Variants in TJP2 observed in about 807,000 individuals in gnomAD.
TJP2 encodes the protein tight junction protein 2.
A neutral mutation model predicts 133.1 loss-of-function variants in TJP2; 91 were observed. That is an observed-to-expected ratio of 0.68 (90% confidence interval 0.58 to 0.81). The LOEUF is 0.81. Ranked by LOEUF, TJP2 falls within the 40% of genes least tolerant of loss-of-function variation. The probability of loss-of-function intolerance (pLI) is 0.00; values close to 1 mark genes in which losing one functional copy is unlikely to be tolerated. For missense variants in TJP2, 1,541 were observed against 1,565.6 expected (o/e 0.98, Z 0.26); for synonymous variants, 592 against 583.4 (o/e 1.01, Z -0.21).
intron 1 of TJP2, among the ~76,000 whole-genome samples, chr9:69,199,267 G>A (rs1826818022): frequency 6.6e-6 from 1 of 152,134 alleles, no homozygotes; most frequent in Non-Finnish European, 1.5e-5. Flanking sequence ...TGAACGTGGT[G>A]GCTCACATCT....
rs542978298 is a variant in TJP2, at chr9:69,236,557, T to C, written c.1991+319T>C. 5.3e-5 allele frequency among the ~76,000 whole-genome samples: 8 copies of C among 152,228 alleles called. No individual in the cohort carries two copies. The South Asian group carries it at 1.7e-3, about 32-fold the overall frequency. ...ACCAGCACACCTCTTAGAGACAAGG[T>C]ACCCTTGTCCGGTGCCCAGTCTCCA... is the stretch of plus-strand genomic sequence containing the variant. On this transcript the variant is annotated intron_variant, in intron 13 of 22. Coordinates refer to ENST00000377245, the MANE Select transcript of TJP2 (RefSeq NM_004817.4).
In TJP2 at chr9:69,127,230, C is replaced by T. The variant is rs1360560715; in HGVS notation, c.-131+5505C>T. ...GACTACAGGTGCCCGCCACCACGCCCGGCTAATTTTTTGTATTTTTAGTAG... is the reference window on the plus strand; with the variant it reads ...GACTACAGGTGCCCGCCACCACGCCTGGCTAATTTTTTGTATTTTTAGTAG... On this transcript the variant is annotated intron_variant, in intron 1 of 5. Transcript: ENST00000423935. Among the ~76,000 whole-genome samples, 6 of 71,192 alleles carry T rather than the reference C, an allele frequency of 8.4e-5. 1 individual carries two copies. The highest frequency in any genetic ancestry group is 1.5e-4 in the Non-Finnish European group (5 of 32,686). 46.7% of individuals were successfully genotyped at this position (71,192 alleles called of 152,430 possible).
At position 69,221,223 on chromosome 9, in the gene TJP2, C is replaced by G; in HGVS notation, c.679C>G (p.His227Asp). Reference sequence around the variant, plus strand: ...CCGGAGCCTGGAGCGGGGCCTGGACCACGACTTTGGGCCATCCCGGGACCG... The same window carrying G: ...CCGGAGCCTGGAGCGGGGCCTGGACGACGACTTTGGGCCATCCCGGGACCG... ...RGRSLERGLD[H>D]DFGPSRDRDR... is the part of the protein sequence containing the mutation. The change falls in exon 5 of 23, where the codon CAC becomes GAC. Residue 227 changes from histidine to aspartate, a missense_variant. By Grantham distance (81) the His-to-Asp change is moderately conservative. Transcript: ENST00000377245. 1 of 1,605,890 alleles carries G rather than the reference C, an allele frequency of 6.2e-7. No individual in the cohort carries two copies. The highest frequency in any genetic ancestry group is 8.5e-7 in the Non-Finnish European group (1 of 1,176,552).
In TJP2 at chr9:69,230,131, C is replaced by T. The variant is rs889305469; in HGVS notation, c.1570C>T (p.Arg524Trp). ...CAAGAAGGGAGACAGCGTGGGCCTC[C>T]GGTTGGCTGGTGGCAATGATGTCGG... The part of the protein sequence containing the change: ...RFKKGDSVGL[R>W]LAGGNDVGIF... Residue 524 changes from arginine to tryptophan, a missense_variant, in exon 11 of 23, where the codon CGG becomes TGG. By Grantham distance (101) the Arg-to-Trp change is moderately radical. Transcript: ENST00000377245. 5.6e-6 allele frequency: 9 copies of T among 1,614,062 alleles called. No homozygotes were observed. The highest frequency in any genetic ancestry group is 2.2e-5 in the South Asian group (2 of 91,084).
At position 69,249,378 on chromosome 9, in the gene TJP2, A is replaced by G. The variant is rs199704587; in HGVS notation, c.2884A>G (p.Ile962Val). 2.1e-5 allele frequency: 34 copies of G among 1,608,470 alleles called. No individual in the cohort carries two copies. Among genetic ancestry groups the G allele is most frequent in the African/African-American group, 1.9e-4 (14 of 74,818 alleles). Residue 962 changes from isoleucine (I) to valine (V), a missense_variant, in exon 20 of 23, where the codon ATA becomes GTA. Coordinates refer to ENST00000377245, the MANE Select transcript of TJP2 (RefSeq NM_004817.4). Reference protein sequence around the residue: ...SSEPVQHEESIRKPSPEPRAQ... With the variant: ...SSEPVQHEESVRKPSPEPRAQ... ...AATGAACCTTTATGTCTTGTAGAGC[A>G]TAAGGAAACCCAGCCCAGAGCCACG...
chr9:69,178,635 C>T (rs987349521), intron 1 of TJP2, among the ~76,000 whole-genome samples: 15 of 152,308 alleles, frequency 9.8e-5, no homozygotes, highest in African/African-American at 3.1e-4. Flanking sequence ...GCGTGTGCAT[C>T]CTGCTCTTAT....
chr9:69,210,310 AAAGT>A (rs1405526445), intron 1 of TJP2, among the ~76,000 whole-genome samples: 21 of 134,454 alleles, frequency 1.6e-4, no homozygotes, highest in Admixed American at 8.2e-4. Flanking sequence ...AAAAAAAAAA[AAAGT>A]AGCAGCAGTC....
At chr9:69,212,506 G>T (rs370064894) in intron 1 of TJP2, 42 bp from the exon 2 acceptor site, 7 of 1,451,714 alleles carry the variant, frequency 4.8e-6, no homozygotes, top group Non-Finnish European at 5.8e-6. Context: ...GCATTGAAAA[G>T]GTTGTGGTTT....
chr9:69,233,571 G>A (rs551337962), intron 11 of TJP2, among the ~76,000 whole-genome samples: 31 of 152,288 alleles, frequency 2.0e-4, no homozygotes, highest in Non-Finnish European at 3.4e-4. Flanking sequence ...TCAAGAGTTC[G>A]AGACCAGCCT....
At chr9:69,152,662 GT>G (rs1823531586) in intron 2 of TJP2, among the ~76,000 whole-genome samples, 1 of 151,950 alleles carries the variant, frequency 6.6e-6, no homozygotes, top group Admixed American at 6.6e-5. Context: ...AACTAAATGA[GT>G]TAATGGGCCC....
chr9:69,247,809 A>G (rs997882542), intron 18 of TJP2, among the ~76,000 whole-genome samples: 7 of 152,164 alleles, frequency 4.6e-5, no homozygotes, highest in Non-Finnish European at 1.5e-5. Flanking sequence ...CAGGGCCCCT[A>G]ATTTGAGTTC....
At chr9:69,241,692 G>C (rs1830584799) in intron 17 of TJP2, among the ~76,000 whole-genome samples, 1 of 152,046 alleles carries the variant, frequency 6.6e-6, no homozygotes, top group Non-Finnish European at 1.5e-5. Context: ...TAATTATTAT[G>C]ATTATTACTA....
intron 1 of TJP2, among the ~76,000 whole-genome samples, chr9:69,148,538 T>G (rs947205168): frequency 6.6e-6 from 1 of 151,920 alleles, no homozygotes; most frequent in African/African-American, 2.4e-5. Flanking sequence ...GCCTAGCTAT[T>G]TTTGTATTCT....
intron 2 of TJP2, among the ~76,000 whole-genome samples, chr9:69,162,406 T>TA (rs1213763853): frequency 6.6e-6 from 1 of 152,116 alleles, no homozygotes; most frequent in African/African-American, 2.4e-5. Flanking sequence ...TCTTACAACT[T>TA]ACTGTTTACA....
At chr9:69,126,024 C>T (rs1587864912) in intron 1 of TJP2, among the ~76,000 whole-genome samples, 1 of 76,178 alleles carries the variant, frequency 1.3e-5, no homozygotes, top group Non-Finnish European at 3.0e-5. Flanking sequence ...TCTCATTTTA[C>T]GGAAGAGAAA....
intron 1 of TJP2, chr9:69,121,730 G>A (rs1359557366): frequency 5.9e-5 from 9 of 152,200 alleles, no homozygotes; most frequent in Admixed American, 1.3e-4. Flanking sequence ...CTCTAGGCAA[G>A]TACCCTCCTC....
At position 69,227,446 on chromosome 9, in the gene TJP2, T is replaced by C. The variant is rs866129033; in HGVS notation, c.1211-319T>C. Among the ~76,000 whole-genome samples the C allele has an allele frequency of 7.2e-4, 109 of 152,310 alleles. 1 individual carries two copies. Among genetic ancestry groups the C allele is most frequent in the African/African-American group, 2.1e-3 (86 of 41,564 alleles). ...TATGCACCTTAAAGTTTGAGAAGCA[T>C]TGGGCTGCTTGGGAAGAATTAGTGT... On this transcript the variant is annotated intron_variant, in intron 7 of 22. Transcript: ENST00000377245.
In TJP2 at chr9:69,254,356, C is replaced by G. The variant is rs1831557647; in HGVS notation, c.3555C>G (p.Tyr1185Ter). The G allele has an allele frequency of 3.1e-6, 5 of 1,614,076 alleles. No homozygotes were observed. The highest frequency in any genetic ancestry group is 4.2e-6 in the Non-Finnish European group (5 of 1,180,048). The change falls in exon 23 of 23, where the codon TAC becomes TAG. Residue 1185 changes from tyrosine to a stop codon, truncating the protein, a stop_gained. Coordinates refer to ENST00000377245, the MANE Select transcript of TJP2 (RefSeq NM_004817.4). LOFTEE classifies it high-confidence loss of function. Reference protein sequence around the residue: ...KRGYYGQSARYRDTEL With the variant: ...KRGYYGQSAR Reference sequence around the variant, plus strand: ...GTTACTATGGCCAGTCTGCCCGATACCGGGACACAGAATTATAGATGTCTG... The same window carrying G: ...GTTACTATGGCCAGTCTGCCCGATAGCGGGACACAGAATTATAGATGTCTG...
chr9:69,217,480 G>C (rs979193337), intron 3 of TJP2, among the ~76,000 whole-genome samples: 2 of 152,166 alleles, frequency 1.3e-5, no homozygotes, highest in Non-Finnish European at 2.9e-5. Context: ...GGCTGAGGTG[G>C]CAGGAACGCT....
Sources: allele counts gnomAD v4.1 joint callset (sites outside exome capture counted in the v4.1 genomes callset), GRCh38; gene constraint gnomAD v4.1.1; transcripts MANE v1.5; gene names NCBI Gene and HGNC (gene_info 2026-07-23, HGNC 2026-07-21).